The following FNBP1 variants were observed in gnomAD, a reference collection of about 807,000 sequenced individuals.
FNBP1 encodes formin-binding protein 1.
In FNBP1, 26 loss-of-function variants were observed where a neutral mutation model predicts 90.6. The ratio of observed to expected loss-of-function variants is 0.29; its 90% CI spans 0.21 to 0.40. FNBP1 has a LOEUF of 0.40. FNBP1 is among the 10% of genes least tolerant of loss of function. FNBP1 has a pLI of 1.00. For missense variants in FNBP1, 635 were observed against 768.0 expected (o/e 0.83, Z 2.05); for synonymous variants, 260 against 265.2 (o/e 0.98, Z 0.19).
intron 6 of FNBP1, chr9:129,936,448 T>A (rs1306586906): frequency 1.3e-5 from 2 of 152,208 alleles, no homozygotes; most frequent in African/African-American, 4.8e-5. Context: ...ACAGCAAGAA[T>A]CCAGCACAGC....
At chr9:130,046,476 G>A (rs1376367191), upstream of FNBP1, among the ~76,000 whole-genome samples, 1 of 148,492 alleles carries the variant, frequency 6.7e-6, no homozygotes, top group East Asian at 2.0e-4. Flanking sequence ...GCTCACGCCT[G>A]TAATCCCAGC....
intron 10 of FNBP1, among the ~76,000 whole-genome samples, chr9:129,916,935 C>T (rs2040346660): frequency 6.6e-6 from 1 of 152,056 alleles, no homozygotes; most frequent in South Asian, 2.1e-4. Context: ...ACCCCTTGCT[C>T]CGTGGAGGGT....
intron 10 of FNBP1, chr9:129,918,985 C>T (rs550279423): frequency 2.8e-5 from 6 of 217,936 alleles, no homozygotes; most frequent in Admixed American, 1.7e-4. Flanking sequence ...TGAATTTATA[C>T]AATTAGGCTT....
chr9:129,895,760 A>T, intron 16 of FNBP1, 78 bp downstream of exon 16: 1 of 1,447,028 alleles, frequency 6.9e-7, no homozygotes, highest in Non-Finnish European at 9.0e-7. Context: ...TGCCTGTAAC[A>T]GTCATGGTTG....
intron 1 of FNBP1, among the ~76,000 whole-genome samples, chr9:130,000,329 A>G (rs1320763680): frequency 2.6e-5 from 4 of 152,062 alleles, no homozygotes; most frequent in Admixed American, 1.3e-4. Flanking sequence ...CGTCTTTACT[A>G]AAAATACAAA....
chr9:130,036,281 C>T (rs1329955014), intron 1 of FNBP1, among the ~76,000 whole-genome samples: 9 of 152,144 alleles, frequency 5.9e-5, no homozygotes, highest in Non-Finnish European at 1.3e-4. Flanking sequence ...TTGCAGGAAA[C>T]ATAATATTAG....
At chr9:129,990,603 C>T (rs7019919) in intron 2 of FNBP1, among the ~76,000 whole-genome samples, 147,517 of 152,280 alleles carry the variant, frequency 0.97, 71,634 homozygotes, top group East Asian at 1. Flanking sequence ...GGACTTTCAC[C>T]GTAAGGTTTT....
chr9:130,002,578 T>A (rs949346605), intron 1 of FNBP1, among the ~76,000 whole-genome samples: 1 of 152,324 alleles, frequency 6.6e-6, no homozygotes, highest in East Asian at 1.9e-4. Context: ...CTTTACTTTC[T>A]ACTATGAATG....
intron 1 of FNBP1, among the ~76,000 whole-genome samples, chr9:130,014,477 C>A (rs1181890972): frequency 2.6e-5 from 4 of 152,018 alleles, no homozygotes; most frequent in Non-Finnish European, 5.9e-5. Context: ...GTCTCAAACT[C>A]CTGACCTCAA....
Position 129,890,263 on chromosome 9 carries a change from T to C in FNBP1, c.*276A>G, listed in dbSNP as rs942292185. 7.1e-5 allele frequency: 37 copies of C among 523,348 alleles called. 1 individual carries two copies. In the African/African-American group the frequency reaches 7.2e-4, roughly 10 times the overall value. 32.4% of individuals were successfully genotyped at this position (523,348 alleles called of 1,614,324 possible). A position where few individuals can be genotyped will look rare whatever the true frequency, so the allele number is the denominator to read the frequency against. ...GCAGGTAGGGGCGTGTGTCCCACCG[T>C]CTCAGTGGCCTGCGCGGGGTGGGGA... On this transcript the variant is annotated 3_prime_UTR_variant, in exon 17 of 17. Transcript: ENST00000446176. The surrounding 1 kb of genome is among the most constrained non-coding windows in gnomAD (Gnocchi z 5.8).
At chr9:130,033,261 G>A (rs2058969171) in intron 1 of FNBP1, among the ~76,000 whole-genome samples, 1 of 152,166 alleles carries the variant, frequency 6.6e-6, no homozygotes, top group Admixed American at 6.6e-5. Context: ...GCGAGGAACA[G>A]AGATGCAAGG....
chr9:129,904,688 TCTTC>T (rs2037634550), intron 12 of FNBP1, among the ~76,000 whole-genome samples: 1 of 152,178 alleles, frequency 6.6e-6, no homozygotes, highest in Non-Finnish European at 1.5e-5. Flanking sequence ...TTCTTTCCTC[TCTTC>T]CTTCCTTCCT....
intron 1 of FNBP1, among the ~76,000 whole-genome samples, chr9:130,036,472 G>A (rs2059322583): frequency 6.6e-6 from 1 of 152,136 alleles, no homozygotes; most frequent in Non-Finnish European, 1.5e-5. Context: ...AAATTTTCAG[G>A]ATTCTGTCTA....
intron 15 of FNBP1, among the ~76,000 whole-genome samples, chr9:129,899,374 G>A (rs981836339): frequency 2.7e-5 from 4 of 150,894 alleles, no homozygotes; most frequent in African/African-American, 4.9e-5. Context: ...CACCATGCCC[G>A]GCCAGATCTG....
chr9:129,929,749 G>A (rs1010490024), intron 6 of FNBP1, 54 bp from the exon 7 acceptor site: 13 of 1,580,276 alleles, frequency 8.2e-6, no homozygotes, highest in Non-Finnish European at 1.1e-5. Flanking sequence ...ATAAAAGCCT[G>A]GGTGCAATCA....
chr9:130,021,664 A>T (rs2057837883), intron 1 of FNBP1, among the ~76,000 whole-genome samples: 2 of 152,172 alleles, frequency 1.3e-5, no homozygotes. Flanking sequence ...AAGTACACAG[A>T]CAATCATTAA....
rs201724203 is a variant in FNBP1 at position 130,031,651 on chromosome 9, ATTTC to A, written c.24+11297_24+11300del. Among the ~76,000 whole-genome samples the A allele has an allele frequency of 4.4e-4, 67 of 151,714 alleles. No homozygotes were observed. The highest frequency in any genetic ancestry group is 1.5e-3 in the South Asian group (7 of 4,780). On this transcript the variant is annotated intron_variant, in intron 1 of 16. Coordinates refer to ENST00000446176, the MANE Select transcript of FNBP1 (RefSeq NM_015033.3). The surrounding 1 kb of genome is among the most constrained non-coding windows in gnomAD (Gnocchi z 4.2). ...CTACCTTAGTCCTTATTACACAATA[ATTTC>A]TTTCTTTCTTTCTTTCTTTTTTTTG...
the FNBP1 span, among the ~76,000 whole-genome samples, chr9:130,051,227 G>T: frequency 6.6e-6 from 1 of 151,908 alleles, no homozygotes; most frequent in African/African-American, 2.4e-5. Context: ...TGTAGAGAAG[G>T]TGTTTCACCA....
Position 129,944,534 on chromosome 9 carries a change from C to T in FNBP1, c.513+12826G>A, listed in dbSNP as rs571634880. On this transcript the variant is annotated intron_variant, in intron 6 of 16. Coordinates refer to ENST00000446176, the MANE Select transcript of FNBP1 (RefSeq NM_015033.3). ...CCAGCCTGGCAACAGAGCGAGACTGCGTCTCAAAAAAAAAAAAAAAAAGTA... is the reference window on the plus strand; with the variant it reads ...CCAGCCTGGCAACAGAGCGAGACTGTGTCTCAAAAAAAAAAAAAAAAAGTA... Among the ~76,000 whole-genome samples, 8 of 70,872 alleles carry T rather than the reference C, an allele frequency of 1.1e-4. No individual in the cohort carries two copies. In the East Asian group the frequency reaches 1.2e-3, roughly 11 times the overall value. 46.5% of individuals were successfully genotyped at this position (70,872 alleles called of 152,430 possible).
Sources: allele counts gnomAD v4.1 joint callset (sites outside exome capture counted in the v4.1 genomes callset), GRCh38; gene constraint gnomAD v4.1.1; non-coding constraint Gnocchi (gnomAD v3.1); transcripts MANE v1.5; gene names NCBI Gene and HGNC (gene_info 2026-07-23, HGNC 2026-07-21).